Variants in SLC2A13 observed in about 807,000 individuals in gnomAD.
SLC2A13 encodes the protein proton myo-inositol cotransporter.
In SLC2A13, 32 loss-of-function variants were observed where a neutral mutation model predicts 64.4. The observed-to-expected ratio is 0.50, with a 90% confidence interval of 0.37 to 0.67. The LOEUF (loss-of-function observed/expected upper bound fraction) is 0.67, where lower values mean the gene tolerates loss of function less well. Ranked by LOEUF, SLC2A13 falls within the 30% of genes least tolerant of loss-of-function variation. The pLI is 0.00. For missense variants in SLC2A13, 743 were observed against 829.2 expected (o/e 0.90, Z 1.28); for synonymous variants, 338 against 327.1 (o/e 1.03, Z -0.36).
At chr12:40,098,858 G>A (rs908873129) in intron 1 of SLC2A13, among the ~76,000 whole-genome samples, 3 of 152,190 alleles carry the variant, frequency 2.0e-5, no homozygotes, top group Non-Finnish European at 4.4e-5. Context: ...GGTGTTGGCC[G>A]CTAAGCTGAT....
intron 1 of SLC2A13, among the ~76,000 whole-genome samples, chr12:40,071,455 T>A (rs1474412774): frequency 1.3e-5 from 2 of 152,170 alleles, no homozygotes; most frequent in Non-Finnish European, 2.9e-5. Flanking sequence ...CATCTATGTA[T>A]CTGAGAGATA....
chr12:40,081,987 C>T (rs1938419382), intron 1 of SLC2A13, among the ~76,000 whole-genome samples: 1 of 152,204 alleles, frequency 6.6e-6, no homozygotes, highest in South Asian at 2.1e-4. Context: ...GTGCTCTAAC[C>T]CTGGGGACCT....
At chr12:39,793,678 G>A (rs1467654992) in intron 7 of SLC2A13, among the ~76,000 whole-genome samples, 1 of 152,008 alleles carries the variant, frequency 6.6e-6, no homozygotes, top group African/African-American at 2.4e-5. Flanking sequence ...TGGGACCTCT[G>A]ATTTTAGGCA....
chr12:39,923,917 GA>G (rs1488856073), intron 4 of SLC2A13, among the ~76,000 whole-genome samples: 4 of 151,668 alleles, frequency 2.6e-5, no homozygotes, highest in African/African-American at 9.7e-5. Context: ...TACAAATATG[GA>G]AAAAAGAATT....
intron 3 of SLC2A13, among the ~76,000 whole-genome samples, chr12:39,955,433 C>T (rs955073936): frequency 1.3e-5 from 2 of 151,878 alleles, no homozygotes; most frequent in Non-Finnish European, 2.9e-5. Context: ...AGTATGCACA[C>T]GCTAAAAGTA....
At chr12:39,782,502 C>G (rs1941027793) in intron 7 of SLC2A13, among the ~76,000 whole-genome samples, 1 of 152,132 alleles carries the variant, frequency 6.6e-6, no homozygotes, top group Admixed American at 6.5e-5. Context: ...TGAGGCCTCC[C>G]CAGCCATGTG....
At chr12:39,814,398 C>T (rs1942280894) in intron 7 of SLC2A13, among the ~76,000 whole-genome samples, 2 of 152,118 alleles carry the variant, frequency 1.3e-5, no homozygotes, top group South Asian at 4.1e-4. Context: ...AACATCTATT[C>T]CTTTAAGAAC....
At chr12:39,877,572 TC>T (rs1944220375) in intron 4 of SLC2A13, among the ~76,000 whole-genome samples, 1 of 152,166 alleles carries the variant, frequency 6.6e-6, no homozygotes, top group South Asian at 2.1e-4. Context: ...ATAACTATAT[TC>T]TCTTTCATAG....
intron 7 of SLC2A13, among the ~76,000 whole-genome samples, chr12:39,828,861 A>G (rs536827590): frequency 5.5e-4 from 83 of 152,136 alleles, no homozygotes; most frequent in Non-Finnish European, 1.1e-3. Flanking sequence ...AACTCTTTTG[A>G]GTGTTCATTT....
intron 3 of SLC2A13, among the ~76,000 whole-genome samples, chr12:39,961,975 C>T (rs185909663): frequency 3.9e-5 from 6 of 152,274 alleles, no homozygotes; most frequent in Admixed American, 1.3e-4. Flanking sequence ...ATCACATATA[C>T]CCCATAAATA....
At chr12:39,903,784 CA>C (rs1441003804) in intron 4 of SLC2A13, among the ~76,000 whole-genome samples, 3 of 152,040 alleles carry the variant, frequency 2.0e-5, no homozygotes. Flanking sequence ...TTATGAGAAT[CA>C]AATAATTCCC....
intron 4 of SLC2A13, among the ~76,000 whole-genome samples, chr12:39,894,635 A>T (rs1029584648): frequency 2.6e-5 from 4 of 152,220 alleles, no homozygotes; most frequent in Non-Finnish European, 5.9e-5. Context: ...AATTAAACTG[A>T]TCTATTTGGG....
At chr12:40,097,008 C>T (rs1283896151) in intron 1 of SLC2A13, among the ~76,000 whole-genome samples, 4 of 152,098 alleles carry the variant, frequency 2.6e-5, no homozygotes, top group Non-Finnish European at 5.9e-5. Flanking sequence ...AATCTCAGCA[C>T]TGTTACTAAC....
chr12:39,922,924 A>G (rs1945640504), intron 4 of SLC2A13, among the ~76,000 whole-genome samples: 1 of 152,214 alleles, frequency 6.6e-6, no homozygotes, highest in South Asian at 2.1e-4. Flanking sequence ...CTCTATTTTA[A>G]ATAAGCTAGT....
Position 40,038,661 on chromosome 12 carries a change from G to T in SLC2A13, c.716+9390C>A, listed in dbSNP as rs375348325. Among the ~76,000 whole-genome samples the T allele has an allele frequency of 7.3e-5, 11 of 151,060 alleles. No individual in the cohort carries two copies. The East Asian group carries it at 1.2e-3, about 16-fold the overall frequency. ...CGGGAGGGTCACTTGAGCCCAGGAG[G>T]TCGAGGCTGCAGTGAGCCATGTTCA... On this transcript the variant is annotated intron_variant, in intron 2 of 9. Transcript: ENST00000280871.
intron 7 of SLC2A13, among the ~76,000 whole-genome samples, chr12:39,784,635 T>A (rs1202359888): frequency 6.6e-6 from 1 of 152,172 alleles, no homozygotes; most frequent in Non-Finnish European, 1.5e-5. Flanking sequence ...GAAGAAAATC[T>A]AGGCAATACC....
rs372253899 is a variant in SLC2A13, at chr12:39,782,891, T to G, written c.1446-18033A>C. Among the ~76,000 whole-genome samples the G allele has an allele frequency of 1.1e-4, 16 of 152,296 alleles. No homozygotes were observed. In the East Asian group the frequency reaches 1.7e-3, roughly 17 times the overall value. On this transcript the variant is annotated intron_variant, in intron 7 of 9. Transcript: ENST00000280871. Reference sequence around the variant, plus strand: ...TTTTTATTATTATTATTTTTTATACTTTAAGTTCTAGGGTACATGTGCACA... The same window carrying G: ...TTTTTATTATTATTATTTTTTATACGTTAAGTTCTAGGGTACATGTGCACA...
intron 1 of SLC2A13, among the ~76,000 whole-genome samples, chr12:40,054,943 T>C (rs982010562): frequency 6.6e-6 from 1 of 152,232 alleles, no homozygotes; most frequent in Non-Finnish European, 1.5e-5. Flanking sequence ...GATTATGATG[T>C]TCTAATTTCA....
At chr12:40,030,784 A>G (rs1947891350) in intron 2 of SLC2A13, among the ~76,000 whole-genome samples, 1 of 152,176 alleles carries the variant, frequency 6.6e-6, no homozygotes, top group South Asian at 2.1e-4. Flanking sequence ...GAAAAGGAAA[A>G]TACAGACATA....
Sources: allele counts gnomAD v4.1 joint callset (sites outside exome capture counted in the v4.1 genomes callset), GRCh38; gene constraint gnomAD v4.1.1; transcripts MANE v1.5; gene names NCBI Gene and HGNC (gene_info 2026-07-23, HGNC 2026-07-21).